Variants in PRMT8 observed in about 807,000 individuals in gnomAD.
PRMT8 encodes protein arginine N-methyltransferase 8.
In PRMT8, 7 loss-of-function variants were observed where a neutral mutation model predicts 47.1. The ratio of observed to expected loss-of-function variants is 0.15; its 90% confidence interval spans 0.08 to 0.28. The LOEUF is 0.28. Among genes scored for constraint, PRMT8 ranks in the 10% least tolerant of loss-of-function variants. The probability of loss-of-function intolerance (pLI) is 1.00; values close to 1 mark genes in which losing one functional copy is unlikely to be tolerated. For missense variants in PRMT8, 237 were observed against 505.4 expected (o/e 0.47, Z 5.09); for synonymous variants, 188 against 186.5 (o/e 1.01, Z -0.07).
chr12:3,383,032 A>G (rs939391104), intron 1 of PRMT8, among the ~76,000 whole-genome samples: 3 of 152,122 alleles, frequency 2.0e-5, no homozygotes, highest in Non-Finnish European at 4.4e-5. Flanking sequence ...GTGCAAGTCT[A>G]TTTCTGGGCT....
chr12:3,532,362 C>T (rs1052020186), intron 1 of PRMT8, among the ~76,000 whole-genome samples: 1 of 149,720 alleles, frequency 6.7e-6, no homozygotes, highest in Non-Finnish European at 1.5e-5. Flanking sequence ...GTAATCCCAG[C>T]GCTTTGGGAG....
chr12:3,396,460 C>T (rs1426038305), intron 1 of PRMT8, among the ~76,000 whole-genome samples: 3 of 152,102 alleles, frequency 2.0e-5, no homozygotes, highest in Non-Finnish European at 4.4e-5. Flanking sequence ...TTTATTTCTC[C>T]TTCACTTATG....
At chr12:3,592,855 A>G (rs1240887587) in intron 9 of PRMT8, among the ~76,000 whole-genome samples, 1 of 152,212 alleles carries the variant, frequency 6.6e-6, no homozygotes, top group Non-Finnish European at 1.5e-5. Flanking sequence ...TCCAGGACGA[A>G]CTCGGAACGT....
intron 9 of PRMT8, 81 bp downstream of exon 9, chr12:3,592,433 TTAAG>T: frequency 1.4e-6 from 2 of 1,478,178 alleles, no homozygotes; most frequent in East Asian, 5.0e-5. Flanking sequence ...GCCCGGGTTC[TTAAG>T]TGTCTCATGA....
intron 1 of PRMT8, among the ~76,000 whole-genome samples, chr12:3,403,746 G>C (rs1233401719): frequency 3.3e-5 from 5 of 151,628 alleles, no homozygotes; most frequent in African/African-American, 4.8e-5. Flanking sequence ...AGGCGTAGTG[G>C]CACGTCTGTA....
intron 4 of PRMT8, among the ~76,000 whole-genome samples, chr12:3,554,722 C>T (rs1427585699): frequency 6.6e-6 from 1 of 152,106 alleles, no homozygotes; most frequent in African/African-American, 2.4e-5. Flanking sequence ...TTTCAGTGTC[C>T]CTCCTGAGGG....
At chr12:3,474,985 C>T (rs577666202) in intron 1 of PRMT8, among the ~76,000 whole-genome samples, 264 of 152,324 alleles carry the variant, frequency 1.7e-3, no homozygotes, top group African/African-American at 5.2e-3. Context: ...TTCTCAGGCA[C>T]GGTGGCTGTC....
chr12:3,568,561 A>G (rs1265481100), intron 4 of PRMT8, 145 bp from the exon 5 acceptor site: 21 of 828,498 alleles, frequency 2.5e-5, no homozygotes, highest in Non-Finnish European at 3.6e-5. Context: ...GGTATAAACT[A>G]GTTTGGTAAA....
At position 3,433,329 on chromosome 12, in the gene PRMT8, A is replaced by G. The variant is rs551958295; in HGVS notation, c.48+51887A>G. Among the ~76,000 whole-genome samples, 5 of 152,324 alleles carry G rather than the reference A, an allele frequency of 3.3e-5. No homozygotes were observed. In the East Asian group the frequency reaches 9.6e-4, roughly 29 times the overall value. On this transcript the variant is annotated intron_variant, in intron 1 of 9. Transcript: ENST00000452611. ...TGACAGACATACCCTTCACCAGGGG[A>G]ATGGAGAAGTAATGATAACAATGTC...
intron 1 of PRMT8, among the ~76,000 whole-genome samples, chr12:3,402,609 T>C (rs1404149122): frequency 1.3e-5 from 2 of 152,174 alleles, no homozygotes; most frequent in African/African-American, 2.4e-5. Flanking sequence ...TATAAGGAAC[T>C]TAAACAAATT....
At chr12:3,460,159 C>T (rs1865025014) in intron 1 of PRMT8, among the ~76,000 whole-genome samples, 1 of 152,166 alleles carries the variant, frequency 6.6e-6, no homozygotes, top group East Asian at 1.9e-4. Context: ...CGAACTAAGA[C>T]ACGAAGTGGC....
intron 2 of PRMT8, among the ~76,000 whole-genome samples, chr12:3,548,687 A>G (rs999061428): frequency 3.9e-5 from 6 of 152,216 alleles, no homozygotes; most frequent in African/African-American, 1.4e-4. Flanking sequence ...AGTAATGCTA[A>G]GGTGTCTGGC....
At chr12:3,507,852 G>A (rs553127947) in intron 1 of PRMT8, among the ~76,000 whole-genome samples, 5 of 150,360 alleles carry the variant, frequency 3.3e-5, no homozygotes, top group East Asian at 2.0e-4. Flanking sequence ...TCTGCCTCCC[G>A]GGTTCATGCA....
At chr12:3,496,933 T>G (rs898476643) in intron 1 of PRMT8, among the ~76,000 whole-genome samples, 2 of 129,138 alleles carry the variant, frequency 1.5e-5, no homozygotes, top group African/African-American at 6.2e-5. Flanking sequence ...TTTTTTTTTT[T>G]GCCTGGCTAA....
intron 2 of PRMT8, among the ~76,000 whole-genome samples, chr12:3,542,892 A>G (rs958119079): frequency 3.9e-5 from 6 of 152,234 alleles, no homozygotes; most frequent in African/African-American, 1.4e-4. Flanking sequence ...GCTTGTTGAC[A>G]TGGCTGCTAA....
intron 1 of PRMT8, among the ~76,000 whole-genome samples, chr12:3,483,231 C>A (rs139345224): frequency 6.6e-6 from 1 of 152,300 alleles, no homozygotes; most frequent in Non-Finnish European, 1.5e-5. Context: ...CCTGATGATA[C>A]CAGGCTCCCT....
intron 7 of PRMT8, among the ~76,000 whole-genome samples, chr12:3,582,393 T>A (rs17769918): frequency 0.089 from 13,511 of 152,294 alleles, 692 homozygotes; most frequent in Middle Eastern, 0.13. Context: ...TATTTATTTT[T>A]GAAAACAGTC....
rs985835174 is a variant in PRMT8 at position 3,576,230 on chromosome 12, T to C, written c.713-641T>C. ...GATCCTTAGTGAGTGCATCTTGGCATACAAGGAAGGCAGAGATGCTCCTGG... is the reference window on the plus strand; with the variant it reads ...GATCCTTAGTGAGTGCATCTTGGCACACAAGGAAGGCAGAGATGCTCCTGG... On this transcript the variant is annotated intron_variant, in intron 6 of 9. Coordinates refer to ENST00000382622, the MANE Select transcript of PRMT8 (RefSeq NM_019854.5). The surrounding 1 kb of genome is among the most constrained non-coding windows in gnomAD (Gnocchi z 4.0). Among the ~76,000 whole-genome samples, 8 of 152,124 alleles carry C rather than the reference T, an allele frequency of 5.3e-5. No individual in the cohort carries two copies. The highest frequency in any genetic ancestry group is 1.2e-4 in the African/African-American group (5 of 41,426).
intron 1 of PRMT8, among the ~76,000 whole-genome samples, chr12:3,423,744 A>G (rs1360269117): frequency 6.6e-6 from 1 of 152,134 alleles, no homozygotes; most frequent in African/African-American, 2.4e-5. Context: ...TTGGGAATTT[A>G]CCAAATGGAT....
Sources: gnomAD v4.1 joint callset for allele counts (sites outside exome capture counted in the v4.1 genomes callset) on GRCh38, gnomAD v4.1.1 for gene constraint, Gnocchi (gnomAD v3.1) non-coding constraint, MANE v1.5 for transcripts, NCBI Gene and HGNC (gene_info 2026-07-23, HGNC 2026-07-21) for gene names.